The following PTPRF variants were observed in gnomAD, a reference collection of about 807,000 sequenced individuals.
The protein encoded by PTPRF is protein tyrosine phosphatase receptor type F.
Under a neutral mutation model 201.8 loss-of-function variants are expected in PTPRF, and 59 were observed. That is an observed-to-expected ratio of 0.29 (90% CI 0.24 to 0.36). PTPRF has a LOEUF of 0.36. Ranked by LOEUF, PTPRF falls within the 10% of genes least tolerant of loss-of-function variation. The pLI is 1.00. For synonymous variants in PTPRF, 1,088 were observed against 1,089.7 expected (o/e 1.00, Z 0.03); for missense variants, 2,132 against 2,690.5 (o/e 0.79, Z 4.59).
intron 5 of PTPRF, among the ~76,000 whole-genome samples, chr1:43,557,056 C>T (rs541493487): frequency 5.3e-5 from 8 of 152,350 alleles, no homozygotes; most frequent in Admixed American, 2.6e-4. Flanking sequence ...GCCCAGTCCT[C>T]CTATTGGCAG....
chr1:43,607,357 C>G (rs543222634), intron 21 of PTPRF, among the ~76,000 whole-genome samples: 75 of 152,340 alleles, frequency 4.9e-4, no homozygotes, highest in African/African-American at 1.8e-3. Context: ...CTGGATGATT[C>G]CCCAGCCCTA....
chr1:43,602,159 C>T, intron 14 of PTPRF, 62 bp downstream of exon 14: 6 of 1,537,262 alleles, frequency 3.9e-6, no homozygotes, highest in East Asian at 2.2e-5. Flanking sequence ...TGGGACGCTC[C>T]TCCTCTCCCT....
rs1269134832 is a variant in PTPRF at position 43,622,899 on chromosome 1, A to G, written c.*896A>G. 7 of 151,222 alleles carry G rather than the reference A, an allele frequency of 4.6e-5. No homozygotes were observed. Among genetic ancestry groups the G allele is most frequent in the African/African-American group, 1.5e-4 (6 of 41,160 alleles). 9.4% of individuals were successfully genotyped at this position (151,222 alleles called of 1,614,324 possible). ...AACAAAAAAAACAAAAAACCCAAGA[A>G]AAAAAAAAAGAGTCAGCCCTTGGCT... On this transcript the variant is annotated 3_prime_UTR_variant, in exon 34 of 34. Coordinates refer to ENST00000359947, the MANE Select transcript of PTPRF (RefSeq NM_002840.5).
At chr1:43,621,508 TGAAAA>T (rs61702439) in intron 33 of PTPRF, among the ~76,000 whole-genome samples, 19,453 of 152,126 alleles carry the variant, frequency 0.13, 1,691 homozygotes, top group African/African-American at 0.25. Flanking sequence ...ACCCTGTTGC[TGAAAA>T]CAAAACAAAA....
rs1426558671 is a variant in PTPRF at position 43,622,736 on chromosome 1, CTGG to C, written c.*735_*737del. The C allele has an allele frequency of 6.6e-6, 1 of 152,608 alleles. No individual in the cohort carries two copies. Among genetic ancestry groups the C allele is most frequent in the African/African-American group, 2.4e-5 (1 of 41,432 alleles). The allele number at this position is 152,608 out of a possible 1,614,324, so 9.5% of individuals were successfully genotyped here. A position where few individuals can be genotyped will look rare whatever the true frequency, so the allele number is the denominator to read the frequency against. On this transcript the variant is annotated 3_prime_UTR_variant, in exon 34 of 34. Coordinates refer to ENST00000359947, the MANE Select transcript of PTPRF (RefSeq NM_002840.5). ...GGGAGAAGATAGGGAACACTCATCC[CTGG>C]TCGTCTATCCCAGTGTGTGTTTAAC...
upstream of PTPRF, among the ~76,000 whole-genome samples, chr1:43,528,000 A>G (rs578026022): frequency 2.0e-5 from 3 of 152,192 alleles, no homozygotes; most frequent in Non-Finnish European, 2.9e-5. Flanking sequence ...TGTGCTGGCC[A>G]CTGGGATATG....
In PTPRF at chr1:43,620,554, G is replaced by A. The variant is rs151136180; in HGVS notation, c.5339G>A (p.Arg1780His). The change falls in exon 31 of 34, where the codon CGT (arginine) becomes CAT (histidine). Residue 1780 changes from arginine (R) to histidine (H), a missense_variant. Physicochemically the swap from Arg to His is conservative, Grantham distance 29 (BLOSUM62 0). This residue lies in a region of PTPRF where 519 missense variants were observed against 659.5 expected (regional missense o/e 0.79). Transcript: ENST00000359947. ...AEYNMPQYIL[R>H]EFKVTDARDG... ...TACAACATGCCCCAGTATATCCTGC[G>A]TGAGTTCAAGGTCACGGATGCCCGG... 147 of 1,614,008 alleles carry A rather than the reference G, an allele frequency of 9.1e-5. No individual in the cohort carries two copies. Among genetic ancestry groups the A allele is most frequent in the African/African-American group, 2.7e-4 (20 of 74,914 alleles).
At position 43,578,752 on chromosome 1, in the gene PTPRF, T is replaced by C. The variant is rs1052611231; in HGVS notation, c.569-58T>C. 3.0e-6 allele frequency: 4 copies of C among 1,320,704 alleles called. No individual in the cohort carries two copies. In the Admixed American group the frequency reaches 5.2e-5, roughly 17 times the overall value. The allele number at this position is 1,320,704 out of a possible 1,614,324, so 81.8% of individuals were successfully genotyped here. ...CAGATGCTGTCGAGACCTCTCACCG[T>C]GTTCCAGGCCACACTCGACATGGGC... On this transcript the variant is annotated intron_variant, in intron 6 of 33. Coordinates refer to ENST00000359947, the MANE Select transcript of PTPRF (RefSeq NM_002840.5).
At chr1:43,618,883 G>T in intron 26 of PTPRF, 134 bp downstream of exon 26, 1 of 1,447,468 alleles carries the variant, frequency 6.9e-7, no homozygotes. Flanking sequence ...TGAGTGATGT[G>T]ATGATCCATG....
intron 7 of PTPRF, among the ~76,000 whole-genome samples, chr1:43,580,313 A>G (rs1453749487): frequency 6.6e-6 from 1 of 152,136 alleles, no homozygotes; most frequent in African/African-American, 2.4e-5. Flanking sequence ...ACCAAAATAC[A>G]CTTATCAAGG....
chr1:43,617,375 G>A, intron 23 of PTPRF, 70 bp from the exon 24 acceptor site: 1 of 1,596,966 alleles, frequency 6.3e-7, no homozygotes, highest in Non-Finnish European at 8.6e-7. Flanking sequence ...GGAAGGCTGG[G>A]TCCCCTGCAG....
At chr1:43,538,054 A>G (rs1257309127) in intron 1 of PTPRF, 144 bp from the exon 2 acceptor site, 1 of 393,460 alleles carries the variant, frequency 2.5e-6, no homozygotes, top group Non-Finnish European at 4.5e-6. Context: ...CATTTTTACC[A>G]GATGGGGATG....
chr1:43,621,977 G>A lies in PTPRF; in HGVS notation c.5698G>A (p.Gly1900Ser), dbSNP rs750446848. The stretch of plus-strand genomic sequence containing the variant: ...CTACCGTGCGGCCCTGGAGTACCTC[G>A]GCAGCTTTGACCACTATGCAACGTA... The part of the protein sequence containing the change: ...LCYRAALEYL[G>S]SFDHYAT Residue 1900 changes from glycine (G) to serine (S), a missense_variant, in exon 34 of 34, where the codon GGC becomes AGC. This residue lies in a region of PTPRF where 519 missense variants were observed against 659.5 expected (regional missense o/e 0.79). Coordinates refer to ENST00000359947, the MANE Select transcript of PTPRF (RefSeq NM_002840.5). 15 of 1,613,994 alleles carry A rather than the reference G, an allele frequency of 9.3e-6. No homozygotes were observed. Among genetic ancestry groups the A allele is most frequent in the East Asian group, 2.2e-5 (1 of 44,882 alleles).
chr1:43,543,873 G>A (rs927729171), intron 2 of PTPRF, among the ~76,000 whole-genome samples: 1 of 152,196 alleles, frequency 6.6e-6, no homozygotes, highest in Admixed American at 6.5e-5. Context: ...ATGAGGGATC[G>A]ACCACGTCTC....
chr1:43,532,148 C>G (rs1478708199), intron 1 of PTPRF, among the ~76,000 whole-genome samples: 1 of 152,138 alleles, frequency 6.6e-6, no homozygotes. Flanking sequence ...GTCTCTCACC[C>G]ATCTCTTGGT....
chr1:43,597,049 ATG>A (rs1323356041), intron 11 of PTPRF, among the ~76,000 whole-genome samples: 1 of 150,870 alleles, frequency 6.6e-6, no homozygotes, highest in Admixed American at 6.6e-5. Flanking sequence ...GAGACAGCCT[ATG>A]TATGTGACAG....
chr1:43,550,557 A>G (rs572342612), intron 3 of PTPRF, among the ~76,000 whole-genome samples: 43 of 152,318 alleles, frequency 2.8e-4, no homozygotes, highest in Non-Finnish European at 4.6e-4. Context: ...CCTGGGTGCC[A>G]GGAACTGGGT....
At chr1:43,559,589 CGTGT>C (rs1469914775) in intron 5 of PTPRF, among the ~76,000 whole-genome samples, 5 of 150,790 alleles carry the variant, frequency 3.3e-5, no homozygotes, top group Admixed American at 1.3e-4. Context: ...GTGCAGCAGG[CGTGT>C]GTGTGTGTAC....
At position 43,564,536 on chromosome 1, in the gene PTPRF, A is replaced by G. The variant is rs576187424; in HGVS notation, c.380-5054A>G. On this transcript the variant is annotated intron_variant, in intron 5 of 33. Transcript: ENST00000359947. ...TGTTTCCACAGGTGCTAGTCACTGC[A>G]GGTGCCCCTCCACATGCACATGTAG... Among the ~76,000 whole-genome samples, 3 of 152,144 alleles carry G rather than the reference A, an allele frequency of 2.0e-5. No individual in the cohort carries two copies. In the South Asian group the frequency reaches 6.2e-4, roughly 31 times the overall value.
Sources: allele counts gnomAD v4.1 joint callset (sites outside exome capture counted in the v4.1 genomes callset), GRCh38; gene constraint gnomAD v4.1.1; regional missense constraint gnomAD v4.1.1; transcripts MANE v1.5; gene names NCBI Gene and HGNC (gene_info 2026-07-23, HGNC 2026-07-21).